KCNIP4: variants seen among roughly 807,000 people sequenced by gnomAD.
The protein encoded by KCNIP4 is potassium voltage-gated channel interacting protein 4, also known as Kv channel-interacting protein 4.
A neutral mutation model predicts 34.0 loss-of-function variants in KCNIP4; 12 were observed. The observed-to-expected ratio is 0.35, with a 90% CI of 0.23 to 0.57. The LOEUF is 0.57. Among genes scored for constraint, KCNIP4 ranks in the 20% least tolerant of loss-of-function variants. KCNIP4 has a pLI of 0.83. For synonymous variants in KCNIP4, 124 were observed against 102.2 expected, an observed-to-expected ratio of 1.21 and a Z score of -1.29; for missense variants, 238 against 311.7, an observed-to-expected ratio of 0.76 and a Z score of 1.78.
chr4:21,750,127 T>C (rs1430334246), intron 1 of KCNIP4, among the ~76,000 whole-genome samples: 2 of 152,176 alleles, frequency 1.3e-5, no homozygotes, highest in Non-Finnish European at 2.9e-5. Context: ...CCTTTTGTCC[T>C]GGGTTTCCAC....
In KCNIP4 at chr4:21,856,801, G is replaced by A. The variant is rs114126214; in HGVS notation, c.61+91770C>T. On this transcript the variant is annotated intron_variant, in intron 1 of 8. Coordinates refer to ENST00000382152, the MANE Select transcript of KCNIP4 (RefSeq NM_025221.6). ...TGCCTGGCCTTTCCCCACTCCAAGC[G>A]CCCACTCCAATCTCAGAGCAAAGTG... 8.3e-3 allele frequency among the ~76,000 whole-genome samples: 1,267 copies of A among 152,144 alleles called. 17 individuals are homozygous for A. The highest frequency in any genetic ancestry group is 0.029 in the African/African-American group (1,202 of 41,502).
intron 1 of KCNIP4, among the ~76,000 whole-genome samples, chr4:21,141,922 T>C (rs11728909): frequency 0.66 from 99,215 of 150,978 alleles, 33,062 homozygotes; most frequent in African/African-American, 0.77. Context: ...GAGGCCGAGG[T>C]GTGTGGATCA....
At chr4:21,691,305 T>G (rs1172964306) in intron 1 of KCNIP4, among the ~76,000 whole-genome samples, 2 of 152,130 alleles carry the variant, frequency 1.3e-5, no homozygotes, top group Non-Finnish European at 2.9e-5. Context: ...CAGGCCTCTG[T>G]GGGTAGGCTA....
chr4:21,100,145 T>A (rs1747809801), intron 1 of KCNIP4, among the ~76,000 whole-genome samples: 1 of 152,152 alleles, frequency 6.6e-6, no homozygotes, highest in African/African-American at 2.4e-5. Flanking sequence ...TCGACTCCAA[T>A]TTTAAAAGTT....
At chr4:21,617,548 A>G (rs1242312250) in intron 1 of KCNIP4, among the ~76,000 whole-genome samples, 1 of 152,208 alleles carries the variant, frequency 6.6e-6, no homozygotes, top group African/African-American at 2.4e-5. Context: ...TCATAAATGA[A>G]TCATAAACAA....
At chr4:21,600,946 A>T (rs1743076012) in intron 1 of KCNIP4, among the ~76,000 whole-genome samples, 1 of 152,010 alleles carries the variant, frequency 6.6e-6, no homozygotes, top group Admixed American at 6.6e-5. Flanking sequence ...TCACCAACAC[A>T]AACCTGATCC....
chr4:21,106,144 T>C (rs1366943252), intron 1 of KCNIP4, among the ~76,000 whole-genome samples: 1 of 151,624 alleles, frequency 6.6e-6, no homozygotes, highest in Non-Finnish European at 1.5e-5. Context: ...TCTTTTTCTA[T>C]TGATTGGAAT....
chr4:20,972,647 G>T (rs1178587248), intron 1 of KCNIP4, among the ~76,000 whole-genome samples: 2 of 152,128 alleles, frequency 1.3e-5, no homozygotes, highest in Non-Finnish European at 1.5e-5. Context: ...ATTTAGTATA[G>T]TTTTTTTTAA....
At chr4:21,927,838 T>C (rs189778159) in intron 1 of KCNIP4, among the ~76,000 whole-genome samples, 49 of 152,114 alleles carry the variant, frequency 3.2e-4, no homozygotes, top group Non-Finnish European at 5.4e-4. Context: ...GCTCTGACAA[T>C]TGCTGCATGA....
At chr4:20,936,070 T>C (rs1488685904) in intron 1 of KCNIP4, among the ~76,000 whole-genome samples, 1 of 151,272 alleles carries the variant, frequency 6.6e-6, no homozygotes, top group Non-Finnish European at 1.5e-5. Context: ...TTCTTAATCA[T>C]ATGAAAGATA....
intron 3 of KCNIP4, among the ~76,000 whole-genome samples, chr4:20,814,679 G>T (rs910644775): frequency 6.6e-6 from 1 of 152,076 alleles, no homozygotes; most frequent in Non-Finnish European, 1.5e-5. Context: ...GTACACTAGG[G>T]GATATTAGAG....
intron 3 of KCNIP4, among the ~76,000 whole-genome samples, chr4:20,760,848 A>G (rs1309425123): frequency 6.6e-6 from 1 of 152,198 alleles, no homozygotes; most frequent in African/African-American, 2.4e-5. Flanking sequence ...CAAATGAGCA[A>G]GCAAGCAAGC....
At chr4:21,202,884 C>T (rs940688172) in intron 1 of KCNIP4, among the ~76,000 whole-genome samples, 2 of 152,134 alleles carry the variant, frequency 1.3e-5, no homozygotes, top group African/African-American at 4.8e-5. Flanking sequence ...TTGTTGGCCA[C>T]AATAGGAATA....
intron 1 of KCNIP4, among the ~76,000 whole-genome samples, chr4:21,108,083 A>G (rs1748753346): frequency 6.6e-6 from 1 of 151,060 alleles, no homozygotes; most frequent in South Asian, 2.1e-4. Flanking sequence ...TGTGTCTTGG[A>G]GTTGCTCTTC....
intron 1 of KCNIP4, among the ~76,000 whole-genome samples, chr4:21,072,088 T>G (rs1744995712): frequency 6.6e-6 from 1 of 152,204 alleles, no homozygotes; most frequent in Non-Finnish European, 1.5e-5. Flanking sequence ...TTGTGAATAG[T>G]GCCGCAATAA....
intron 3 of KCNIP4, among the ~76,000 whole-genome samples, chr4:20,799,413 T>C (rs557583665): frequency 2.6e-5 from 4 of 152,252 alleles, no homozygotes; most frequent in African/African-American, 7.2e-5. Flanking sequence ...CTAACCCACA[T>C]AGCCATGCTT....
chr4:21,261,364 A>G (rs1761457369), intron 1 of KCNIP4, among the ~76,000 whole-genome samples: 1 of 152,186 alleles, frequency 6.6e-6, no homozygotes, highest in African/African-American at 2.4e-5. Flanking sequence ...AGAGCTGCTT[A>G]CACATCATAC....
At chr4:21,727,790 C>G (rs895219104) in intron 1 of KCNIP4, among the ~76,000 whole-genome samples, 1 of 152,128 alleles carries the variant, frequency 6.6e-6, no homozygotes, top group African/African-American at 2.4e-5. Context: ...GACCACACCA[C>G]TGCATTCCAG....
chr4:21,805,916 G>T (rs1378319022), intron 1 of KCNIP4, among the ~76,000 whole-genome samples: 2 of 152,178 alleles, frequency 1.3e-5, no homozygotes, highest in African/African-American at 4.8e-5. Context: ...CATAGTAGTG[G>T]TGTTAAGAAT....
Sources: gnomAD v4.1 joint callset for allele counts (sites outside exome capture counted in the v4.1 genomes callset) on GRCh38, gnomAD v4.1.1 for gene constraint, MANE v1.5 for transcripts, NCBI Gene and HGNC (gene_info 2026-07-23, HGNC 2026-07-21) for gene names.